AMPH: variants seen among roughly 807,000 people sequenced by gnomAD.
The protein encoded by AMPH is amphiphysin (Stiff-Mann syndrome with breast cancer 128kD autoantigen).
AMPH carries 49 observed loss-of-function variants against 99.1 expected under a neutral mutation model. The ratio of observed to expected loss-of-function variants is 0.49; its 90% CI spans 0.39 to 0.63. The LOEUF is 0.63. Among genes scored for constraint, AMPH ranks in the 20% least tolerant of loss-of-function variants. AMPH has a pLI of 0.00. For synonymous variants in AMPH, 314 were observed against 317.3 expected (o/e 0.99, Z 0.11); for missense variants, 759 against 863.4 (o/e 0.88, Z 1.52).
chr7:38,610,376 AG>A lies in AMPH; in HGVS notation c.69+20906del, dbSNP rs1793634223. Among the ~76,000 whole-genome samples the A allele has an allele frequency of 3.8e-5, 2 of 52,086 alleles. 1 individual carries two copies. Among genetic ancestry groups the A allele is most frequent in the South Asian group, 7.5e-4 (2 of 2,670 alleles). The allele number at this position is 52,086 out of a possible 152,430, so 34.2% of individuals were successfully genotyped here. A position where few individuals can be genotyped will look rare whatever the true frequency, so the allele number is the denominator to read the frequency against. On this transcript the variant is annotated intron_variant, in intron 1 of 20. Coordinates refer to ENST00000356264, the MANE Select transcript of AMPH (RefSeq NM_001635.4). ...AAGAAAAGAAAAGAAAAGAAAAGAA[AG>A]GAAAGGAAAAGAAAAGAAAAGAAAA...
chr7:38,623,722 T>C (rs1794146900), intron 1 of AMPH, among the ~76,000 whole-genome samples: 1 of 152,202 alleles, frequency 6.6e-6, no homozygotes, highest in Admixed American at 6.5e-5. Context: ...AGGAGGATCT[T>C]CCTTTGCCCA....
At chr7:38,471,842 G>A (rs563705388) in intron 7 of AMPH, among the ~76,000 whole-genome samples, 2 of 152,100 alleles carry the variant, frequency 1.3e-5, no homozygotes, top group Non-Finnish European at 2.9e-5. Flanking sequence ...AATGGCTATA[G>A]TAATATCAGA....
chr7:38,621,333 AT>A (rs1340829220), intron 1 of AMPH, among the ~76,000 whole-genome samples: 4 of 152,192 alleles, frequency 2.6e-5, no homozygotes, highest in South Asian at 4.1e-4. Flanking sequence ...TTATCTCACT[AT>A]CAACTCCTGC....
At chr7:38,439,987 T>C (rs188692608) in intron 11 of AMPH, among the ~76,000 whole-genome samples, 278 of 152,324 alleles carry the variant, frequency 1.8e-3, no homozygotes, top group African/African-American at 6.4e-3. Flanking sequence ...GGATATTAGT[T>C]AATGTAATGC....
chr7:38,516,044 G>C (rs1243718007), intron 2 of AMPH, among the ~76,000 whole-genome samples: 1 of 152,238 alleles, frequency 6.6e-6, no homozygotes. Flanking sequence ...GAAATGACCT[G>C]AAGCTAGAAC....
At position 38,421,287 on chromosome 7, in the gene AMPH, C is replaced by A. The variant is rs1029450900; in HGVS notation, c.1272+1134G>T. ...ATAACCAATTGCCTTTCCTTTTATA[C>A]TGGTATTTCTCCATTTCTCATAAAC... On this transcript the variant is annotated intron_variant, in intron 16 of 20. Coordinates refer to ENST00000356264, the MANE Select transcript of AMPH (RefSeq NM_001635.4). Among the ~76,000 whole-genome samples, 5 of 152,322 alleles carry A rather than the reference C, an allele frequency of 3.3e-5. No individual in the cohort carries two copies. In the East Asian group the frequency reaches 9.6e-4, roughly 29 times the overall value.
intron 1 of AMPH, among the ~76,000 whole-genome samples, chr7:38,577,420 C>T (rs1792286112): frequency 6.6e-6 from 1 of 152,232 alleles, no homozygotes; most frequent in Admixed American, 6.5e-5. Flanking sequence ...TGCCACCCCA[C>T]TCTGAACTAG....
chr7:38,606,959 T>G (rs889225044), intron 1 of AMPH, among the ~76,000 whole-genome samples: 1 of 152,196 alleles, frequency 6.6e-6, no homozygotes, highest in Non-Finnish European at 1.5e-5. Context: ...TGAATGGACA[T>G]TTGTGTTGTT....
intron 5 of AMPH, among the ~76,000 whole-genome samples, chr7:38,479,915 C>A (rs996335848): frequency 6.6e-6 from 1 of 151,924 alleles, no homozygotes; most frequent in Non-Finnish European, 1.5e-5. Flanking sequence ...CTAAGAGATT[C>A]TGATTTAATT....
intron 7 of AMPH, among the ~76,000 whole-genome samples, chr7:38,474,246 AAAAATAAAAT>A (rs570230572): frequency 1.1e-4 from 16 of 151,996 alleles, no homozygotes; most frequent in Admixed American, 7.9e-4. Context: ...ATGGCACCAA[AAAAATAAAAT>A]AAAATAAAAT....
At chr7:38,502,880 T>C (rs572108247) in intron 3 of AMPH, among the ~76,000 whole-genome samples, 145 of 152,324 alleles carry the variant, frequency 9.5e-4, no homozygotes, top group African/African-American at 3.4e-3. Context: ...AAGCGTGAGG[T>C]TGAGAATTTC....
intron 1 of AMPH, among the ~76,000 whole-genome samples, chr7:38,557,969 T>C (rs1190304987): frequency 6.6e-6 from 1 of 151,150 alleles, no homozygotes. Flanking sequence ...GTAGGAGGAT[T>C]GCACTCCAGC....
intron 2 of AMPH, among the ~76,000 whole-genome samples, chr7:38,511,422 A>G (rs1198698391): frequency 1.3e-5 from 2 of 152,168 alleles, no homozygotes; most frequent in East Asian, 1.9e-4. Context: ...ATTTTTCAGA[A>G]AGTTATTTTA....
At chr7:38,591,859 G>A (rs1000163229) in intron 1 of AMPH, among the ~76,000 whole-genome samples, 1 of 152,152 alleles carries the variant, frequency 6.6e-6, no homozygotes, top group African/African-American at 2.4e-5. Context: ...GTCTTTCGCT[G>A]CACATATTGC....
rs1467604483 is a variant in AMPH at position 38,463,783 on chromosome 7, T to C, written c.750-670A>G. 3.3e-5 allele frequency among the ~76,000 whole-genome samples: 5 copies of C among 152,358 alleles called. No individual in the cohort carries two copies. The South Asian group carries it at 6.2e-4, about 19-fold the overall frequency. On this transcript the variant is annotated intron_variant, in intron 9 of 20. Transcript: ENST00000356264. ...AGTTTCGTTTACTAAGAACCCACCA[T>C]GTTCCTGGCATGCGGCCAGACGCTC...
intron 11 of AMPH, among the ~76,000 whole-genome samples, chr7:38,436,614 G>A (rs779537887): frequency 2.0e-5 from 3 of 152,204 alleles, no homozygotes; most frequent in Admixed American, 2.0e-4. Flanking sequence ...CCTGGAATGT[G>A]TCCCAGGCTC....
chr7:38,431,904 C>T (rs1461762968), intron 13 of AMPH, among the ~76,000 whole-genome samples: 2 of 152,054 alleles, frequency 1.3e-5, no homozygotes, highest in African/African-American at 4.8e-5. Context: ...GCTCCTTTTG[C>T]CACCAACCAC....
At position 38,445,052 on chromosome 7, in the gene AMPH, A is replaced by G. The variant is rs1426362885; in HGVS notation, c.1018-8664T>C. Among the ~76,000 whole-genome samples, 5 of 145,886 alleles carry G rather than the reference A, an allele frequency of 3.4e-5. 1 individual carries two copies. The highest frequency in any genetic ancestry group is 7.4e-5 in the Non-Finnish European group (5 of 67,376). On this transcript the variant is annotated intron_variant, in intron 11 of 20. Coordinates refer to ENST00000356264, the MANE Select transcript of AMPH (RefSeq NM_001635.4). ...TATATACATATATATACATATATAG[A>G]TGGTATATACATATATATATACACA...
intron 1 of AMPH, among the ~76,000 whole-genome samples, chr7:38,581,220 G>A (rs775034835): frequency 6.6e-6 from 1 of 152,104 alleles, no homozygotes; most frequent in Non-Finnish European, 1.5e-5. Context: ...AAAAAAAAGT[G>A]CCAGGGAGAA....
Sources: gnomAD v4.1 joint callset for allele counts (sites outside exome capture counted in the v4.1 genomes callset) on GRCh38, gnomAD v4.1.1 for gene constraint, MANE v1.5 for transcripts, NCBI Gene and HGNC (gene_info 2026-07-23, HGNC 2026-07-21) for gene names.